Variants in DEPDC7 observed in about 807,000 individuals in gnomAD.
DEPDC7 encodes the protein DEP domain containing 7, also known as DEP domain-containing protein 7.
Under a neutral mutation model 56.6 loss-of-function variants are expected in DEPDC7, and 41 were observed. That is an observed-to-expected ratio of 0.72 (90% CI 0.56 to 0.94). DEPDC7 has a LOEUF of 0.94. DEPDC7 is among the 40% of genes least tolerant of loss of function. DEPDC7 has a pLI of 0.00. For missense variants in DEPDC7, 522 were observed against 596.3 expected (o/e 0.88, Z 1.30); for synonymous variants, 185 against 208.8 (o/e 0.89, Z 0.98).
At position 33,032,798 on chromosome 11, in the gene DEPDC7, A is replaced by C; in HGVS notation, c.1263+5A>C. The C allele has an allele frequency of 6.3e-7, 1 of 1,597,708 alleles. No individual in the cohort carries two copies. Among genetic ancestry groups the C allele is most frequent in the Non-Finnish European group, 8.5e-7 (1 of 1,175,000 alleles). On this transcript the variant is annotated splice_donor_5th_base_variant and intron_variant, in intron 7 of 8. Coordinates refer to ENST00000241051, the MANE Select transcript of DEPDC7 (RefSeq NM_001077242.2). Reference sequence around the variant, plus strand: ...CATCAGAAAGATGTTTTTAAGGTAAAATTGTGAAAGTAGTTAAATTGAGCT... The same window carrying C: ...CATCAGAAAGATGTTTTTAAGGTAACATTGTGAAAGTAGTTAAATTGAGCT...
intron 4 of DEPDC7, among the ~76,000 whole-genome samples, chr11:33,030,931 T>C (rs932897818): frequency 6.6e-6 from 1 of 152,154 alleles, no homozygotes; most frequent in Non-Finnish European, 1.5e-5. Flanking sequence ...CTGTCCTAGC[T>C]AAAGGGAGAG....
intron 1 of DEPDC7, among the ~76,000 whole-genome samples, chr11:33,017,547 A>G (rs4755351): frequency 0.16 from 23,905 of 152,086 alleles, 2,007 homozygotes; most frequent in East Asian, 0.3. Context: ...CAGTGGACGG[A>G]GAGGGGCCCG....
chr11:33,033,079 T>C, intron 8 of DEPDC7, 112 bp downstream of exon 8: 6 of 1,006,728 alleles, frequency 6.0e-6, no homozygotes, highest in Non-Finnish European at 8.7e-6. Context: ...TTTAAAACAT[T>C]CTCCTCAGAG....
chr11:33,023,240 A>G (rs1853541091), intron 1 of DEPDC7, among the ~76,000 whole-genome samples: 1 of 152,078 alleles, frequency 6.6e-6, no homozygotes, highest in African/African-American at 2.4e-5. Flanking sequence ...AAAAAAAAAA[A>G]AAAAATCTTG....
intron 1 of DEPDC7, among the ~76,000 whole-genome samples, chr11:33,019,372 AT>A (rs869042410): frequency 1.4e-4 from 21 of 152,110 alleles, no homozygotes; most frequent in Non-Finnish European, 2.9e-4. Flanking sequence ...TCCTTTAAAA[AT>A]TTTTTTTATG....
chr11:33,030,469 G>C (rs778550849), intron 4 of DEPDC7, among the ~76,000 whole-genome samples: 42 of 151,980 alleles, frequency 2.8e-4, no homozygotes, highest in Middle Eastern at 3.4e-3. Flanking sequence ...TAGATAGATA[G>C]ATAGATATAA....
At chr11:33,027,543 A>G (rs1853591355) in intron 2 of DEPDC7, 143 bp from the exon 3 acceptor site, 1 of 616,748 alleles carries the variant, frequency 1.6e-6, no homozygotes, top group African/African-American at 1.9e-5. Flanking sequence ...GGGTGTTTTT[A>G]TAATTTATTC....
chr11:33,025,754 C>A lies in DEPDC7; in HGVS notation c.169C>A (p.His57Asn), dbSNP rs776495819. The change falls in exon 2 of 9, where the codon CAC becomes AAC. Residue 57 changes from histidine (H) to asparagine (N), a missense_variant. Transcript: ENST00000241051. ...QTQVEVKKRRHRLKRHNDCFV... is the reference protein window; with the variant it reads ...QTQVEVKKRRNRLKRHNDCFV... ...ACAAGTGGAAGTGAAAAAACGAAGGCACCGTTTAAAACGACATAATGACTG... is the reference window on the plus strand; with the variant it reads ...ACAAGTGGAAGTGAAAAAACGAAGGAACCGTTTAAAACGACATAATGACTG... The A allele has an allele frequency of 1.9e-6, 3 of 1,614,158 alleles. No homozygotes were observed. Among genetic ancestry groups the A allele is most frequent in the Non-Finnish European group, 2.5e-6 (3 of 1,180,028 alleles).
chr11:33,020,506 C>G (rs1169055392), intron 1 of DEPDC7, among the ~76,000 whole-genome samples: 2 of 152,188 alleles, frequency 1.3e-5, no homozygotes, highest in African/African-American at 4.8e-5. Flanking sequence ...CCTTAGGCAA[C>G]CTTCCAAAAG....
chr11:33,020,215 C>T (rs1161646118), intron 1 of DEPDC7, among the ~76,000 whole-genome samples: 1 of 152,036 alleles, frequency 6.6e-6, no homozygotes, highest in Non-Finnish European at 1.5e-5. Flanking sequence ...TATTATGACT[C>T]AGTTATTTAG....
At position 33,027,754 on chromosome 11, in the gene DEPDC7, T is replaced by A; in HGVS notation, c.533T>A (p.Leu178Gln). The A allele has an allele frequency of 6.3e-7, 1 of 1,578,386 alleles. No homozygotes were observed. The highest frequency in any genetic ancestry group is 1.2e-5 in the South Asian group (1 of 84,422). The change falls in exon 3 of 9, where the codon CTG becomes CAG. Residue 178 changes from leucine to glutamine, a missense_variant. Physicochemically the swap from Leu to Gln is moderately radical, Grantham distance 113 (BLOSUM62 -2). Transcript: ENST00000241051. ...AGTTTAGAGGACCTGTGGGAAAATC[T>A]GAGTTTAAAGCCTGCCAACTCCCCT... ...SASLEDLWENLSLKPANSPHV... is the reference protein window; with the variant it reads ...SASLEDLWENQSLKPANSPHV...
chr11:33,018,790 T>G (rs2133656995), intron 1 of DEPDC7, among the ~76,000 whole-genome samples: 1 of 152,364 alleles, frequency 6.6e-6, no homozygotes, highest in Admixed American at 6.5e-5. Flanking sequence ...CCTAATGTTC[T>G]CTTCCAGGAT....
chr11:33,021,392 A>C (rs1014800851), intron 1 of DEPDC7, among the ~76,000 whole-genome samples: 3 of 152,234 alleles, frequency 2.0e-5, no homozygotes, highest in Non-Finnish European at 2.9e-5. Flanking sequence ...TTCTGATTGC[A>C]AGACTTAAAA....
chr11:33,028,486 C>G (rs936149349), intron 3 of DEPDC7, 117 bp from the exon 4 acceptor site: 57 of 772,976 alleles, frequency 7.4e-5, no homozygotes, highest in Non-Finnish European at 8.8e-5. Flanking sequence ...GTAAGGTTGA[C>G]TTTTTCTTTC....
intron 7 of DEPDC7, 29 bp from the exon 8 acceptor site, chr11:33,032,860 A>G (rs1487689381): frequency 1.3e-6 from 2 of 1,583,494 alleles, no homozygotes; most frequent in Admixed American, 1.8e-5. Context: ...GCATTTGAAT[A>G]ATGTCCCATG....
At chr11:33,032,576 T>C in intron 6 of DEPDC7, 92 bp from the exon 7 acceptor site, 1 of 1,341,486 alleles carries the variant, frequency 7.5e-7, no homozygotes, top group South Asian at 1.5e-5. Context: ...TATGCTGAAA[T>C]GTATAATAGC....
chr11:33,032,200 T>A, intron 5 of DEPDC7, 136 bp from the exon 6 acceptor site: 1 of 772,554 alleles, frequency 1.3e-6, no homozygotes, highest in Non-Finnish European at 2.0e-6. Flanking sequence ...TCATTGTTAA[T>A]TCCTAGTCTT....
chr11:33,025,882 T>C lies in DEPDC7; in HGVS notation c.297T>C (p.Cys99=). The part of the protein sequence containing the change: ...DIPRAKVVRV[C]QALMDYKVFE... ...CTCGAGCCAAAGTGGTGAGAGTGTGTCAAGCGCTTATGGACTACAAAGTAT... is the reference window on the plus strand; with the variant it reads ...CTCGAGCCAAAGTGGTGAGAGTGTGCCAAGCGCTTATGGACTACAAAGTAT... The change falls in exon 2 of 9, where the codon TGT becomes TGC. Residue 99 remains cysteine (C), a synonymous_variant. Coordinates refer to ENST00000241051, the MANE Select transcript of DEPDC7 (RefSeq NM_001077242.2). The C allele has an allele frequency of 6.2e-7, 1 of 1,614,194 alleles. No homozygotes were observed. Among genetic ancestry groups the C allele is most frequent in the Non-Finnish European group, 8.5e-7 (1 of 1,180,030 alleles).
chr11:33,030,207 C>T (rs1049857815), intron 4 of DEPDC7, among the ~76,000 whole-genome samples: 5 of 152,190 alleles, frequency 3.3e-5, no homozygotes, highest in Admixed American at 1.3e-4. Flanking sequence ...ATCTGTCCAC[C>T]TTGGCCTCCC....
Sources: gnomAD v4.1 joint callset for allele counts (sites outside exome capture counted in the v4.1 genomes callset) on GRCh38, gnomAD v4.1.1 for gene constraint, MANE v1.5 for transcripts, NCBI Gene and HGNC (gene_info 2026-07-23, HGNC 2026-07-21) for gene names.